Variants in CDS1 observed in about 807,000 individuals in gnomAD.
CDS1 encodes CDP-diacylglycerol synthase 1, also known as phosphatidate cytidylyltransferase 1.
A neutral mutation model predicts 62.1 loss-of-function variants in CDS1; 41 were observed. The observed-to-expected ratio is 0.66, with a 90% CI of 0.51 to 0.86. CDS1 has a LOEUF of 0.86. CDS1 is among the 40% of genes least tolerant of loss of function. CDS1 has a pLI of 0.00. For synonymous variants in CDS1, 185 were observed against 192.6 expected, an observed-to-expected ratio of 0.96 and a Z score of 0.32; for missense variants, 470 against 550.1, an observed-to-expected ratio of 0.85 and a Z score of 1.46.
intron 3 of CDS1, among the ~76,000 whole-genome samples, chr4:84,617,023 A>G (rs1443021698): frequency 6.6e-6 from 1 of 152,212 alleles, no homozygotes; most frequent in East Asian, 1.9e-4. Context: ...GAGAGTTGAC[A>G]CAACTGGGAG....
At chr4:84,624,026 C>G (rs573392551) in intron 5 of CDS1, among the ~76,000 whole-genome samples, 1 of 151,972 alleles carries the variant, frequency 6.6e-6, no homozygotes, top group Non-Finnish European at 1.5e-5. Flanking sequence ...AATCCCAGCA[C>G]TTTGAGAGGC....
intron 5 of CDS1, among the ~76,000 whole-genome samples, chr4:84,620,036 A>G (rs1723628729): frequency 6.6e-6 from 1 of 151,428 alleles, no homozygotes; most frequent in Non-Finnish European, 1.5e-5. Flanking sequence ...AAAAAAAAAA[A>G]AAAAAGAAAG....
rs139257732 is a variant in CDS1, at chr4:84,641,178, G to A, written c.1032+188G>A. 3.0e-3 allele frequency among the ~76,000 whole-genome samples: 460 copies of A among 152,118 alleles called. 2 individuals are homozygous for A. The highest frequency in any genetic ancestry group is 0.011 in the African/African-American group (440 of 41,484). On this transcript the variant is annotated intron_variant, in intron 10 of 12. Transcript: ENST00000295887. The stretch of plus-strand genomic sequence containing the variant: ...GCAACCTTTGCTCAAGTGATTCTTA[G>A]GCCTCAGCCTCCTGAGTAGCTGGGA...
intron 1 of CDS1, among the ~76,000 whole-genome samples, chr4:84,603,958 A>G (rs1231573278): frequency 6.6e-6 from 1 of 152,196 alleles, no homozygotes; most frequent in Non-Finnish European, 1.5e-5. Context: ...GTGGCAAAAC[A>G]TCTGATTTTA....
intron 1 of CDS1, among the ~76,000 whole-genome samples, chr4:84,593,317 C>A (rs73831533): frequency 0.012 from 1,860 of 152,136 alleles, 34 homozygotes; most frequent in African/African-American, 0.043. Context: ...GGTGACTTAT[C>A]CCCTCAGAGG....
At position 84,631,305 on chromosome 4, in the gene CDS1, ATAT is replaced by A. The variant is rs1724011780; in HGVS notation, c.581-510_581-508del. Among the ~76,000 whole-genome samples, 3 of 152,154 alleles carry A rather than the reference ATAT, an allele frequency of 2.0e-5. No individual in the cohort carries two copies. The South Asian group carries it at 6.2e-4, about 32-fold the overall frequency. ...AAAATGGAGCTAAAAATGAGTACCT[ATAT>A]TATAGGAATTTTGAAAGGATTAAAT... On this transcript the variant is annotated intron_variant, in intron 5 of 12. Coordinates refer to ENST00000295887, the MANE Select transcript of CDS1 (RefSeq NM_001263.4).
chr4:84,588,670 T>TG (rs575475483), intron 1 of CDS1, among the ~76,000 whole-genome samples: 4 of 152,024 alleles, frequency 2.6e-5, no homozygotes, highest in Admixed American at 6.6e-5. Context: ...CATTTCTGGA[T>TG]GGGGGGGCCA....
At chr4:84,585,072 T>C (rs1006550188) in intron 1 of CDS1, among the ~76,000 whole-genome samples, 1 of 152,240 alleles carries the variant, frequency 6.6e-6, no homozygotes, top group Non-Finnish European at 1.5e-5. Flanking sequence ...CAGGAAGCCA[T>C]GCATAAAATA....
intron 1 of CDS1, among the ~76,000 whole-genome samples, chr4:84,589,134 C>T (rs1403906340): frequency 3.9e-5 from 6 of 152,142 alleles, no homozygotes; most frequent in African/African-American, 1.2e-4. Flanking sequence ...AGAAGCATTA[C>T]AAAGATTTCT....
chr4:84,585,997 GAA>G (rs1722406741), intron 1 of CDS1, among the ~76,000 whole-genome samples: 1 of 152,192 alleles, frequency 6.6e-6, no homozygotes, highest in Non-Finnish European at 1.5e-5. Flanking sequence ...AGCTGGGAAT[GAA>G]AAGATTCCTG....
chr4:84,645,773 T>C (rs1360217093), intron 12 of CDS1, among the ~76,000 whole-genome samples: 1 of 152,190 alleles, frequency 6.6e-6, no homozygotes, highest in Non-Finnish European at 1.5e-5. Flanking sequence ...CCCCCATAGC[T>C]ACTTGTTTGG....
At chr4:84,613,449 A>G (rs952859051) in intron 3 of CDS1, among the ~76,000 whole-genome samples, 7 of 152,134 alleles carry the variant, frequency 4.6e-5, no homozygotes, top group Non-Finnish European at 1.0e-4. Flanking sequence ...TCTCTACTCA[A>G]AATACAAAAA....
intron 5 of CDS1, among the ~76,000 whole-genome samples, chr4:84,624,276 A>C (rs1046220463): frequency 7.4e-6 from 1 of 134,944 alleles, no homozygotes; most frequent in Non-Finnish European, 1.6e-5. Context: ...TCTGTCTCAA[A>C]AAAAAAAAAA....
chr4:84,587,115 A>G (rs191856234), intron 1 of CDS1, among the ~76,000 whole-genome samples: 20 of 152,304 alleles, frequency 1.3e-4, no homozygotes, highest in African/African-American at 4.8e-4. Flanking sequence ...AGAAGATCAA[A>G]TGTTGGATGC....
In CDS1 at chr4:84,586,597, C is replaced by T. The variant is rs571778959; in HGVS notation, c.117+3079C>T. On this transcript the variant is annotated intron_variant, in intron 1 of 12. Transcript: ENST00000295887. ...CTGTAAATACAGAGGAAGCTTCACT[C>T]GCAGACCACTCACCTGCTCTGCAGC... Among the ~76,000 whole-genome samples the T allele has an allele frequency of 1.9e-4, 29 of 152,310 alleles. 1 individual carries two copies. The South Asian group carries it at 5.0e-3, about 26-fold the overall frequency.
chr4:84,589,866 A>G (rs369599860), intron 1 of CDS1, among the ~76,000 whole-genome samples: 3 of 152,086 alleles, frequency 2.0e-5, no homozygotes, highest in African/African-American at 4.8e-5. Flanking sequence ...GCTGGAGTGC[A>G]GTGGCGCGAC....
chr4:84,641,882 G>C (rs1161641890), intron 10 of CDS1, among the ~76,000 whole-genome samples: 1 of 152,302 alleles, frequency 6.6e-6, no homozygotes, highest in Non-Finnish European at 1.5e-5. Context: ...TTGAGGAGTA[G>C]CTTAACAAAT....
intron 8 of CDS1, among the ~76,000 whole-genome samples, chr4:84,636,717 G>T (rs1284050931): frequency 6.6e-6 from 1 of 152,000 alleles, no homozygotes; most frequent in African/African-American, 2.4e-5. Flanking sequence ...TAGAGACAGG[G>T]TTTCACCATG....
At chr4:84,590,205 T>C (rs558651886) in intron 1 of CDS1, among the ~76,000 whole-genome samples, 1 of 152,342 alleles carries the variant, frequency 6.6e-6, no homozygotes, top group Non-Finnish European at 1.5e-5. Context: ...ATAAGGATTT[T>C]GAGGCAAACA....
Sources: gnomAD v4.1 joint callset for allele counts (sites outside exome capture counted in the v4.1 genomes callset) on GRCh38, gnomAD v4.1.1 for gene constraint, MANE v1.5 for transcripts, NCBI Gene and HGNC (gene_info 2026-07-23, HGNC 2026-07-21) for gene names.